Variants in SAMD3 observed in about 807,000 individuals in gnomAD.
SAMD3 encodes the protein sterile alpha motif domain containing 3.
SAMD3 carries 63 observed loss-of-function variants against 58.5 expected under a neutral mutation model. That is an observed-to-expected ratio of 1.08 (90% CI 0.88 to 1.33). The LOEUF (loss-of-function observed/expected upper bound fraction) is 1.33. Among genes scored for constraint, SAMD3 ranks in the 40% most tolerant of loss-of-function variants. SAMD3 has a pLI of 0.00. For synonymous variants in SAMD3, 220 were observed against 210.3 expected, an observed-to-expected ratio of 1.05 and a Z score of -0.40; for missense variants, 604 against 608.4, an observed-to-expected ratio of 0.99 and a Z score of 0.08.
intron 2 of SAMD3, among the ~76,000 whole-genome samples, chr6:130,265,042 T>A (rs922512452): frequency 2.0e-5 from 3 of 152,214 alleles, no homozygotes; most frequent in Non-Finnish European, 4.4e-5. Context: ...AACCTAAACA[T>A]AAAGTACCCC....
At chr6:130,364,206 G>A (rs1409682554) in intron 1 of SAMD3, among the ~76,000 whole-genome samples, 1 of 152,084 alleles carries the variant, frequency 6.6e-6, no homozygotes, top group African/African-American at 2.4e-5. Context: ...TGAGTTCATA[G>A]TTCATAAATG....
At chr6:130,324,183 ATTAGT>A (rs1334591258) in intron 1 of SAMD3, among the ~76,000 whole-genome samples, 1 of 152,206 alleles carries the variant, frequency 6.6e-6, no homozygotes, top group Non-Finnish European at 1.5e-5. Context: ...GTTTGGAAAG[ATTAGT>A]TTAATCTCAA....
chr6:130,230,360 G>A (rs1173924725), intron 2 of SAMD3, among the ~76,000 whole-genome samples: 1 of 152,032 alleles, frequency 6.6e-6, no homozygotes, highest in Non-Finnish European at 1.5e-5. Flanking sequence ...TTAAAAGTAA[G>A]GCTAGGTTTG....
At chr6:130,311,321 G>A (rs1223430399) in intron 2 of SAMD3, among the ~76,000 whole-genome samples, 1 of 152,164 alleles carries the variant, frequency 6.6e-6, no homozygotes, top group Non-Finnish European at 1.5e-5. Context: ...TATGAGAGAC[G>A]AGGACATAGG....
At position 130,184,131 on chromosome 6, in the gene SAMD3, G is replaced by A. The variant is rs547076728; in HGVS notation, c.626C>T (p.Pro209Leu). ...GCCACAGCCATCCTCATCCAGGAAA[G>A]GGTGGGCCTGCAGCAGGGCATTAAC... ...DVVNALLQAH[P>L]FLDEDGCGFF... The change falls in exon 7 of 12, where the codon CCT becomes CTT. Residue 209 changes from proline to leucine, a missense_variant. Transcript: ENST00000439090. The A allele has an allele frequency of 1.2e-6, 2 of 1,613,982 alleles. No individual in the cohort carries two copies. Among genetic ancestry groups the A allele is most frequent in the Admixed American group, 1.7e-5 (1 of 60,024 alleles).
At chr6:130,314,123 G>A (rs1229468496) in intron 1 of SAMD3, among the ~76,000 whole-genome samples, 1 of 152,172 alleles carries the variant, frequency 6.6e-6, no homozygotes, top group South Asian at 2.1e-4. Context: ...AAGGTGGAAA[G>A]GACGTAAAAT....
At chr6:130,292,985 T>G (rs1471674984) in intron 2 of SAMD3, among the ~76,000 whole-genome samples, 1 of 152,232 alleles carries the variant, frequency 6.6e-6, no homozygotes, top group Non-Finnish European at 1.5e-5. Context: ...GTCAATTTAT[T>G]CAGTTACAAT....
At chr6:130,292,275 T>C (rs535861806) in intron 2 of SAMD3, among the ~76,000 whole-genome samples, 12 of 148,140 alleles carry the variant, frequency 8.1e-5, no homozygotes, top group South Asian at 2.2e-4. Context: ...TTCTTTCTTT[T>C]TTTTTTTTTT....
intron 2 of SAMD3, among the ~76,000 whole-genome samples, chr6:130,276,022 G>C (rs1186027252): frequency 2.0e-5 from 3 of 152,046 alleles, no homozygotes; most frequent in African/African-American, 7.2e-5. Context: ...AATTTTCCTG[G>C]TGGGCTTATG....
At chr6:130,157,344 AT>A (rs11405398) in intron 8 of SAMD3, among the ~76,000 whole-genome samples, 14 of 148,428 alleles carry the variant, frequency 9.4e-5, no homozygotes, top group East Asian at 2.0e-4. Flanking sequence ...GAGCTAACAT[AT>A]TTTTTTTTTT....
chr6:130,315,868 C>G (rs1776346551), intron 1 of SAMD3, among the ~76,000 whole-genome samples: 1 of 152,138 alleles, frequency 6.6e-6, no homozygotes, highest in Non-Finnish European at 1.5e-5. Flanking sequence ...GTAGGATCCC[C>G]TGATGGACTT....
At chr6:130,230,214 C>T (rs1796503507) in intron 2 of SAMD3, among the ~76,000 whole-genome samples, 1 of 152,084 alleles carries the variant, frequency 6.6e-6, no homozygotes, top group South Asian at 2.1e-4. Flanking sequence ...ACTCTTTGCA[C>T]CTCGAGGGTT....
chr6:130,239,978 A>G (rs1300954944), intron 2 of SAMD3, among the ~76,000 whole-genome samples: 1 of 152,188 alleles, frequency 6.6e-6, no homozygotes, highest in Non-Finnish European at 1.5e-5. Flanking sequence ...CTGGGCAGCC[A>G]ATATCATGTA....
intron 1 of SAMD3, among the ~76,000 whole-genome samples, chr6:130,319,800 G>A (rs1297997919): frequency 6.6e-6 from 1 of 152,078 alleles, no homozygotes; most frequent in African/African-American, 2.4e-5. Flanking sequence ...ATATTGTGGG[G>A]TTTTAATGTG....
At chr6:130,145,640 T>TTCTG (rs1788554359) in intron 10 of SAMD3, among the ~76,000 whole-genome samples, 1 of 151,926 alleles carries the variant, frequency 6.6e-6, no homozygotes, top group Non-Finnish European at 1.5e-5. Context: ...AAGACAAGAG[T>TTCTG]TCTGTACTGT....
intron 5 of SAMD3, among the ~76,000 whole-genome samples, chr6:130,199,231 G>T (rs1425852406): frequency 6.6e-6 from 1 of 152,166 alleles, no homozygotes; most frequent in African/African-American, 2.4e-5. Flanking sequence ...TCCAGGGACT[G>T]AACTGAAAGA....
At position 130,333,044 on chromosome 6, in the gene SAMD3, CGTGTGTGTGTGTGTGTGTGT is replaced by C. The variant is rs10529435; in HGVS notation, c.-303-19971_-303-19952del. 4.9e-5 allele frequency among the ~76,000 whole-genome samples: 7 copies of C among 143,656 alleles called. No individual in the cohort carries two copies. In the East Asian group the frequency reaches 8.2e-4, roughly 17 times the overall value. 94.2% of individuals were successfully genotyped at this position (143,656 alleles called of 152,430 possible). On this transcript the variant is annotated intron_variant, in intron 1 of 13. Transcript: ENST00000368134. ...CAAGACAGGGCCACAGTTGAGTATG[CGTGTGTGTGTGTGTGTGTGT>C]GTGTGTGTGTGTGTGTGTGTGTTAA... is the stretch of plus-strand genomic sequence containing the variant.
At chr6:130,235,812 C>T (rs1255590689) in intron 2 of SAMD3, among the ~76,000 whole-genome samples, 1 of 152,056 alleles carries the variant, frequency 6.6e-6, no homozygotes, top group African/African-American at 2.4e-5. Context: ...ATGAGAATAA[C>T]AAGAGTAACA....
chr6:130,200,814 T>A, intron 5 of SAMD3, among the ~76,000 whole-genome samples: 1 of 152,178 alleles, frequency 6.6e-6, no homozygotes, highest in Non-Finnish European at 1.5e-5. Flanking sequence ...CTGTTGAGTG[T>A]TTTCTATATA....
Sources: gnomAD v4.1 joint callset for allele counts (sites outside exome capture counted in the v4.1 genomes callset) on GRCh38, gnomAD v4.1.1 for gene constraint, MANE v1.5 for transcripts, NCBI Gene and HGNC (gene_info 2026-07-23, HGNC 2026-07-21) for gene names.